MET: variants seen among roughly 807,000 people sequenced by gnomAD.
The protein encoded by MET is MET proto-oncogene, receptor tyrosine kinase, also known as hepatocyte growth factor receptor.
MET carries 48 observed loss-of-function variants against 133.1 expected under a neutral mutation model. The observed-to-expected ratio is 0.36, with a 90% confidence interval of 0.29 to 0.46. The LOEUF is 0.46. Ranked by LOEUF, MET falls within the 20% of genes least tolerant of loss-of-function variation. The pLI, the probability that MET is intolerant of heterozygous loss-of-function variation, is 1.00. For missense variants in MET, 1,442 were observed against 1,695.9 expected, an observed-to-expected ratio of 0.85 and a Z score of 2.63; for synonymous variants, 628 against 616.5, an observed-to-expected ratio of 1.02 and a Z score of -0.28.
At chr7:116,763,432 G>A in intron 11 of MET, 164 bp downstream of exon 11, 1 of 691,588 alleles carries the variant, frequency 1.4e-6, no homozygotes, top group South Asian at 1.7e-5. Context: ...TAAAAGATAA[G>A]AATAACCGTG....
In MET at chr7:116,796,058, G is replaced by C. The variant is rs1795663624; in HGVS notation, c.4107G>C (p.Leu1369Phe). 1 of 1,613,968 alleles carries C rather than the reference G, an allele frequency of 6.2e-7. No individual in the cohort carries two copies. Among genetic ancestry groups the C allele is most frequent in the Non-Finnish European group, 8.5e-7 (1 of 1,179,934 alleles). The change falls in exon 21 of 21, where the codon TTG becomes TTC. Residue 1369 changes from leucine to phenylalanine, a missense_variant. Physicochemically the swap from Leu to Phe is conservative, Grantham distance 22. Around this residue, in one of 6 missense-constraint regions of MET, gnomAD observed 94 missense variants for 109.5 expected, o/e 0.86. Transcript: ENST00000397752. ...GTGTCGCTCCGTATCCTTCTCTGTT[G>C]TCATCAGAAGATAACGCTGATGATG... Reference protein sequence around the residue: ...VKCVAPYPSLLSSEDNADDEV... With the variant: ...VKCVAPYPSLFSSEDNADDEV...
chr7:116,771,554 G>A lies in MET; in HGVS notation c.2787G>A (p.Gln929=). ...VLGKVIVQPD[Q]NFTGLIAGVV... is the part of the protein sequence containing the mutation. ...GAAAAGTAATAGTTCAACCAGATCA[G>A]AATTTCACAGGATTGATTGCTGGTG... The change falls in exon 13 of 21, where the codon CAG becomes CAA. Residue 929 remains glutamine, a synonymous_variant. Coordinates refer to ENST00000397752, the MANE Select transcript of MET (RefSeq NM_000245.4). 1 of 1,613,942 alleles carries A rather than the reference G, an allele frequency of 6.2e-7. No individual in the cohort carries two copies. Among genetic ancestry groups the A allele is most frequent in the Non-Finnish European group, 8.5e-7 (1 of 1,179,840 alleles).
intron 19 of MET, among the ~76,000 whole-genome samples, chr7:116,785,420 A>T (rs1020774340): frequency 6.6e-6 from 1 of 152,048 alleles, no homozygotes. Context: ...GGGGAGGGGG[A>T]GCATCTTATA....
chr7:116,739,839 A>C (rs1201415013), intron 3 of MET, 111 bp from the exon 4 acceptor site: 2 of 1,481,710 alleles, frequency 1.3e-6, no homozygotes, highest in Non-Finnish European at 1.9e-6. Flanking sequence ...TCTTCAGTTC[A>C]AACACCCACA....
intron 3 of MET, among the ~76,000 whole-genome samples, chr7:116,738,956 T>C (rs1584920910): frequency 6.6e-6 from 1 of 152,192 alleles, no homozygotes; most frequent in East Asian, 1.9e-4. Context: ...CGCGAGTAAA[T>C]GCATGTTCAA....
At chr7:116,766,168 T>C (rs1794621384) in intron 11 of MET, among the ~76,000 whole-genome samples, 1 of 152,240 alleles carries the variant, frequency 6.6e-6, no homozygotes, top group South Asian at 2.1e-4. Flanking sequence ...TTTTTATGCA[T>C]GAGCATATCT....
chr7:116,687,303 C>A (rs1394061739), intron 1 of MET, among the ~76,000 whole-genome samples: 1 of 152,192 alleles, frequency 6.6e-6, no homozygotes, highest in East Asian at 1.9e-4. Context: ...AGAGTGTTTA[C>A]TGAGTTTCAG....
At chr7:116,688,011 A>G (rs1796621064) in intron 1 of MET, among the ~76,000 whole-genome samples, 1 of 152,212 alleles carries the variant, frequency 6.6e-6, no homozygotes, top group Non-Finnish European at 1.5e-5. Flanking sequence ...CAGTCATATA[A>G]ATCCAATCCT....
At chr7:116,786,445 A>G (rs1562937410) in intron 19 of MET, among the ~76,000 whole-genome samples, 2 of 152,242 alleles carry the variant, frequency 1.3e-5, no homozygotes, top group Admixed American at 6.5e-5. Flanking sequence ...AACTACATAT[A>G]TAAAGTGAAA....
intron 14 of MET, among the ~76,000 whole-genome samples, chr7:116,773,740 ACT>A (rs1191751281): frequency 6.6e-6 from 1 of 152,148 alleles, no homozygotes; most frequent in African/African-American, 2.4e-5. Flanking sequence ...GTCTACTATA[ACT>A]GTAATTGATG....
intron 1 of MET, among the ~76,000 whole-genome samples, chr7:116,694,602 G>A (rs1279309129): frequency 6.6e-6 from 1 of 152,104 alleles, no homozygotes; most frequent in African/African-American, 2.4e-5. Context: ...CTGAGATTTA[G>A]TACAGTGTGT....
intron 1 of MET, among the ~76,000 whole-genome samples, chr7:116,676,236 G>A (rs1471660917): frequency 1.3e-5 from 2 of 152,140 alleles, no homozygotes; most frequent in Non-Finnish European, 2.9e-5. Context: ...AATAAATTAT[G>A]TAGCTATAGG....
intron 10 of MET, among the ~76,000 whole-genome samples, chr7:116,762,239 G>A (rs1328992609): frequency 6.6e-6 from 1 of 152,200 alleles, no homozygotes; most frequent in Non-Finnish European, 1.5e-5. Context: ...CAAAAAGATA[G>A]CATGGGAGTG....
intron 17 of MET, among the ~76,000 whole-genome samples, chr7:116,780,143 T>C (rs1156263180): frequency 6.6e-6 from 1 of 152,122 alleles, no homozygotes; most frequent in African/African-American, 2.4e-5. Flanking sequence ...GTTCTTAGCC[T>C]CTTGCAAGTG....
At chr7:116,724,709 A>G (rs1792670102) in intron 2 of MET, 2 of 774,164 alleles carry the variant, frequency 2.6e-6, no homozygotes, top group South Asian at 2.8e-5. Context: ...AAGCTTTTGG[A>G]AGCCACCCGG....
At chr7:116,770,833 G>A (rs887110929) in intron 12 of MET, among the ~76,000 whole-genome samples, 1 of 152,142 alleles carries the variant, frequency 6.6e-6, no homozygotes, top group Non-Finnish European at 1.5e-5. Flanking sequence ...CCAAGAGTAA[G>A]TGATTTTTAA....
chr7:116,676,639 T>C (rs1796169327), intron 1 of MET, among the ~76,000 whole-genome samples: 1 of 152,134 alleles, frequency 6.6e-6, no homozygotes, highest in Admixed American at 6.5e-5. Flanking sequence ...AGTGGGATGG[T>C]GATTGAAAAA....
chr7:116,748,347 C>T (rs1793776802), intron 5 of MET, among the ~76,000 whole-genome samples: 1 of 152,182 alleles, frequency 6.6e-6, no homozygotes. Flanking sequence ...ACTCGGTAAA[C>T]AACTGGTACA....
At chr7:116,724,077 C>A in intron 2 of MET, 1 of 174,528 alleles carries the variant, frequency 5.7e-6, no homozygotes, top group Non-Finnish European at 1.2e-5. Flanking sequence ...TGCCCCTCCC[C>A]CAGCCTCGCT....
Sources: gnomAD v4.1 joint callset for allele counts (sites outside exome capture counted in the v4.1 genomes callset) on GRCh38, gnomAD v4.1.1 for gene constraint, gnomAD v4.1.1 regional missense constraint, MANE v1.5 for transcripts, NCBI Gene and HGNC (gene_info 2026-07-23, HGNC 2026-07-21) for gene names.